The following KCNIP1 variants were observed in gnomAD, a reference collection of about 807,000 sequenced individuals.
KCNIP1 encodes the protein potassium voltage-gated channel interacting protein 1.
A neutral mutation model predicts 33.0 loss-of-function variants in KCNIP1; 18 were observed. The observed-to-expected ratio is 0.55, with a 90% CI of 0.38 to 0.81. The LOEUF is 0.81. KCNIP1 is among the 30% of genes least tolerant of loss of function. KCNIP1 has a pLI of 0.00. For missense variants in KCNIP1, 238 were observed against 271.6 expected (o/e 0.88, Z 0.87); for synonymous variants, 93 against 98.3 (o/e 0.95, Z 0.32).
At chr5:170,711,396 T>C (rs1424334593) in intron 1 of KCNIP1, among the ~76,000 whole-genome samples, 1 of 152,252 alleles carries the variant, frequency 6.6e-6, no homozygotes, top group African/African-American at 2.4e-5. Flanking sequence ...CACCAGAGCA[T>C]GTCAATGCTT....
intron 1 of KCNIP1, among the ~76,000 whole-genome samples, chr5:170,451,827 C>T (rs1282088546): frequency 6.7e-6 from 1 of 150,150 alleles, no homozygotes; most frequent in Non-Finnish European, 1.5e-5. Context: ...GGGCATGTCT[C>T]ATCTGGAAAG....
In KCNIP1 at chr5:170,504,069, G is replaced by T; in HGVS notation, c.-504G>T. On this transcript the variant is annotated 5_prime_UTR_variant, in exon 1 of 8. Coordinates refer to ENST00000328939, the MANE Select transcript of KCNIP1 (RefSeq NM_014592.4). This position sits in a 1 kb window ranked among gnomAD's most constrained non-coding sequence, Gnocchi z 6.0. ...CAGGCAGCAGGCAGCAGGCGGGCGC[G>T]CTGTGGCTCCGCGCCGCGCGGTCCG... 5 of 984,914 alleles carry T rather than the reference G, an allele frequency of 5.1e-6. No individual in the cohort carries two copies. The highest frequency in any genetic ancestry group is 6.0e-6 in the Non-Finnish European group (5 of 829,940). 61.0% of individuals were successfully genotyped at this position (984,914 alleles called of 1,614,324 possible).
chr5:170,360,340 C>A (rs952007650), intron 1 of KCNIP1, among the ~76,000 whole-genome samples: 3 of 152,224 alleles, frequency 2.0e-5, no homozygotes, highest in African/African-American at 7.2e-5. Context: ...TCCAACCCTG[C>A]CATGCACCAA....
chr5:170,554,134 G>GT (rs58157482), intron 1 of KCNIP1, among the ~76,000 whole-genome samples: 23,076 of 149,106 alleles, frequency 0.15, 1,965 homozygotes, highest in African/African-American at 0.23. Flanking sequence ...GCCATGCAAA[G>GT]TTTTTTTTTT....
chr5:170,593,330 CAG>C (rs1758330298), intron 1 of KCNIP1, among the ~76,000 whole-genome samples: 1 of 152,168 alleles, frequency 6.6e-6, no homozygotes, highest in South Asian at 2.1e-4. Flanking sequence ...GAATCCCTCT[CAG>C]GGGGTCACCT....
intron 2 of KCNIP1, among the ~76,000 whole-genome samples, chr5:170,719,934 A>G (rs1561782753): frequency 6.6e-6 from 1 of 152,192 alleles, no homozygotes; most frequent in Non-Finnish European, 1.5e-5. Flanking sequence ...GGCATCTACC[A>G]TGGACTCAAT....
intron 1 of KCNIP1, among the ~76,000 whole-genome samples, chr5:170,717,702 C>T (rs943633859): frequency 6.6e-6 from 1 of 152,222 alleles, no homozygotes; most frequent in East Asian, 1.9e-4. Flanking sequence ...AATACACCTG[C>T]TCACCTGATG....
At chr5:170,388,268 A>G (rs1186976300) in intron 1 of KCNIP1, among the ~76,000 whole-genome samples, 1 of 152,236 alleles carries the variant, frequency 6.6e-6, no homozygotes, top group East Asian at 1.9e-4. Flanking sequence ...TAGAGTCATG[A>G]TAAATCCTCC....
At chr5:170,546,112 T>G (rs1343074159) in intron 1 of KCNIP1, among the ~76,000 whole-genome samples, 1 of 152,216 alleles carries the variant, frequency 6.6e-6, no homozygotes, top group Non-Finnish European at 1.5e-5. Flanking sequence ...CATTTCCTTG[T>G]GTGGTCTTCA....
intron 1 of KCNIP1, among the ~76,000 whole-genome samples, chr5:170,673,367 G>A (rs1561755943): frequency 6.6e-6 from 1 of 152,234 alleles, no homozygotes; most frequent in Non-Finnish European, 1.5e-5. Context: ...TTAAGTGAGA[G>A]TGGTGATGAT....
intron 1 of KCNIP1, among the ~76,000 whole-genome samples, chr5:170,564,708 C>T (rs1757146825): frequency 6.6e-6 from 1 of 152,182 alleles, no homozygotes; most frequent in African/African-American, 2.4e-5. Flanking sequence ...ATCCTTCACC[C>T]AGAAGCCTGC....
At chr5:170,734,875 C>T (rs1269269120) in intron 7 of KCNIP1, among the ~76,000 whole-genome samples, 1 of 152,198 alleles carries the variant, frequency 6.6e-6, no homozygotes, top group Non-Finnish European at 1.5e-5. Flanking sequence ...GGTGAGTTCT[C>T]ACTGTTAATT....
chr5:170,367,451 A>G lies in KCNIP1; in HGVS notation c.88+13487A>G, dbSNP rs564109414. On this transcript the variant is annotated intron_variant, in intron 1 of 7. Coordinates refer to the KCNIP1 transcript ENST00000377360. ...GAAAGAAAGAAAGGAAAGAAAGGAA[A>G]GAAAGAAAGAAAGAAAGAATGTGCA... Among the ~76,000 whole-genome samples the G allele has an allele frequency of 2.5e-3, 381 of 151,294 alleles. 2 individuals are homozygous for G. The highest frequency in any genetic ancestry group is 4.8e-3 in the Non-Finnish European group (324 of 67,604).
intron 5 of KCNIP1, among the ~76,000 whole-genome samples, chr5:170,730,533 T>TAA (rs143662294): frequency 6.6e-6 from 1 of 151,486 alleles, no homozygotes; most frequent in African/African-American, 2.4e-5. Context: ...TTTCTGTGAT[T>TAA]AAAAAAAAAT....
At chr5:170,481,683 G>A (rs747286171) in intron 1 of KCNIP1, among the ~76,000 whole-genome samples, 4 of 152,170 alleles carry the variant, frequency 2.6e-5, no homozygotes, top group Non-Finnish European at 5.9e-5. Context: ...ATTGAAGGGT[G>A]TAGAAGTAAG....
At chr5:170,391,895 A>G (rs1754605483) in intron 1 of KCNIP1, among the ~76,000 whole-genome samples, 1 of 152,234 alleles carries the variant, frequency 6.6e-6, no homozygotes, top group Non-Finnish European at 1.5e-5. Flanking sequence ...TGGTCACACC[A>G]AATACTTCCC....
chr5:170,732,901 C>T lies in KCNIP1; in HGVS notation c.537C>T (p.Phe179=), dbSNP rs1764254092. The change falls in exon 6 of 8, where the codon TTC becomes TTT. Residue 179 remains phenylalanine, a synonymous_variant. Coordinates refer to ENST00000328939, the MANE Select transcript of KCNIP1 (RefSeq NM_014592.4). ...CAAGGCAGCATGTGGACGTCTTCTT[C>T]CAGGTAAGTGCACACACCCTGCACA... is the stretch of plus-strand genomic sequence containing the variant. The part of the protein sequence containing the change: ...DTPRQHVDVF[F]QKMDKNKDGI... 6.3e-7 allele frequency: 1 copy of T among 1,597,400 alleles called. No individual in the cohort carries two copies. Among genetic ancestry groups the T allele is most frequent in the Non-Finnish European group, 8.6e-7 (1 of 1,164,856 alleles).
At chr5:170,456,956 G>A (rs1756396579) in intron 1 of KCNIP1, among the ~76,000 whole-genome samples, 2 of 151,996 alleles carry the variant, frequency 1.3e-5, no homozygotes, top group African/African-American at 4.8e-5. Flanking sequence ...CTAGGCTCAA[G>A]CGATCCTCCT....
At chr5:170,468,395 T>G (rs1581219416) in intron 1 of KCNIP1, among the ~76,000 whole-genome samples, 1 of 152,222 alleles carries the variant, frequency 6.6e-6, no homozygotes, top group Non-Finnish European at 1.5e-5. Context: ...TAAAATTTGC[T>G]AGACCTATAA....
Sources: gnomAD v4.1 joint callset for allele counts (sites outside exome capture counted in the v4.1 genomes callset) on GRCh38, gnomAD v4.1.1 for gene constraint, Gnocchi (gnomAD v3.1) non-coding constraint, MANE v1.5 for transcripts, NCBI Gene and HGNC (gene_info 2026-07-23, HGNC 2026-07-21) for gene names.